PKN2: variants seen among roughly 807,000 people sequenced by gnomAD.
The protein encoded by PKN2 is serine/threonine-protein kinase N2.
PKN2 carries 38 observed loss-of-function variants against 119.1 expected under a neutral mutation model. The ratio of observed to expected loss-of-function variants is 0.32; its 90% CI spans 0.25 to 0.42. PKN2 has a LOEUF of 0.42. Ranked by LOEUF, PKN2 falls within the 10% of genes least tolerant of loss-of-function variation. PKN2 has a pLI of 1.00. For missense variants in PKN2, 850 were observed against 1,165.1 expected (o/e 0.73, Z 3.94); for synonymous variants, 390 against 384.9 (o/e 1.01, Z -0.15).
rs1374406564 is a variant in PKN2, at chr1:88,807,725, T to A, written c.2052T>A (p.Ala684=). ...AEYKNTNEMF[A]IKALKKGDIV... ...ATAAAAACACAAATGAGATGTTTGC[T>A]ATAAAAGCCTTAAAGAAAGGAGATA... Residue 684 remains alanine (A), a synonymous_variant, in exon 15 of 22, where the codon GCT becomes GCA. Coordinates refer to ENST00000370521, the MANE Select transcript of PKN2 (RefSeq NM_006256.4). The A allele has an allele frequency of 6.2e-7, 1 of 1,603,498 alleles. No individual in the cohort carries two copies. The highest frequency in any genetic ancestry group is 8.5e-7 in the Non-Finnish European group (1 of 1,174,108).
rs1669387286 is a variant in PKN2, at chr1:88,760,222, A to G, written c.350A>G (p.Asp117Gly). 6 of 1,504,654 alleles carry G rather than the reference A, an allele frequency of 4.0e-6. No individual in the cohort carries two copies. Among genetic ancestry groups the G allele is most frequent in the Non-Finnish European group, 5.5e-6 (6 of 1,098,260 alleles). 93.2% of individuals were successfully genotyped at this position (1,504,654 alleles called of 1,614,324 possible). ...IVVSDPEDIT[D>G]CPRTPDTPNN... is the part of the protein sequence containing the mutation. ...AATTTTAACAATATTTTATTTACAG[A>G]TTGCCCAAGGACTCCAGATACTCCA... is the stretch of plus-strand genomic sequence containing the variant. The change falls in exon 3 of 22, where the codon GAT becomes GGT. Residue 117 changes from aspartate to glycine, a missense_variant and splice_region_variant. Physicochemically the swap from Asp to Gly is moderately conservative, Grantham distance 94. This residue lies in a region of PKN2 where 350 missense variants were observed against 511.1 expected (regional missense o/e 0.68). Coordinates refer to ENST00000370521, the MANE Select transcript of PKN2 (RefSeq NM_006256.4).
At chr1:88,786,920 C>G (rs1376873339) in intron 8 of PKN2, among the ~76,000 whole-genome samples, 1 of 143,208 alleles carries the variant, frequency 7.0e-6, no homozygotes, top group African/African-American at 2.6e-5. Context: ...TTGGTGATTA[C>G]TGTTCTAAGC....
At chr1:88,813,809 A>G in intron 16 of PKN2, 76 bp downstream of exon 16, 3 of 1,249,856 alleles carry the variant, frequency 2.4e-6, no homozygotes, top group Non-Finnish European at 3.3e-6. Flanking sequence ...GATTCTTTGA[A>G]TTTTAGATTT....
At chr1:88,686,538 A>G (rs529600940) in intron 1 of PKN2, among the ~76,000 whole-genome samples, 1 of 152,246 alleles carries the variant, frequency 6.6e-6, no homozygotes, top group African/African-American at 2.4e-5. Flanking sequence ...ACTGAAATAT[A>G]ACCCCTTCCA....
At chr1:88,746,561 C>A (rs1304526564) in intron 2 of PKN2, among the ~76,000 whole-genome samples, 4 of 151,956 alleles carry the variant, frequency 2.6e-5, no homozygotes, top group African/African-American at 9.7e-5. Flanking sequence ...CGATGAGATA[C>A]CACCTCATGT....
At position 88,826,669 on chromosome 1, in the gene PKN2, A is replaced by G. The variant is rs1672511882; in HGVS notation, c.2420-1812A>G. 3.3e-5 allele frequency among the ~76,000 whole-genome samples: 5 copies of G among 152,226 alleles called. No individual in the cohort carries two copies. The South Asian group carries it at 1.0e-3, about 32-fold the overall frequency. On this transcript the variant is annotated intron_variant, in intron 18 of 21. Transcript: ENST00000370521. ...TTAACTCTCATATACAGATGAAGAAACCTAGAATTTGATGTTAGACAACTT... is the reference window on the plus strand; with the variant it reads ...TTAACTCTCATATACAGATGAAGAAGCCTAGAATTTGATGTTAGACAACTT...
chr1:88,771,580 A>G lies in PKN2; in HGVS notation c.768+14A>G. The G allele has an allele frequency of 6.4e-7, 1 of 1,564,982 alleles. No individual in the cohort carries two copies. Among genetic ancestry groups the G allele is most frequent in the Non-Finnish European group, 8.6e-7 (1 of 1,158,302 alleles). ...GCACTTTCAGAAGTAATTTTAAATA[A>G]AAATTTTTATTTGGTTTAATAAATA... is the stretch of plus-strand genomic sequence containing the variant. On this transcript the variant is annotated intron_variant, in intron 5 of 21. Transcript: ENST00000370521.
intron 15 of PKN2, among the ~76,000 whole-genome samples, chr1:88,808,107 TTC>T (rs1338903416): frequency 1.3e-5 from 2 of 152,162 alleles, no homozygotes; most frequent in Non-Finnish European, 2.9e-5. Flanking sequence ...CTATATTTCA[TTC>T]TGTCTTAATG....
chr1:88,797,687 G>T (rs1557618789), intron 8 of PKN2, among the ~76,000 whole-genome samples: 1 of 151,070 alleles, frequency 6.6e-6, no homozygotes, highest in Non-Finnish European at 1.5e-5. Flanking sequence ...CTCTCATCTC[G>T]CTCCACACAA....
At chr1:88,714,135 G>T (rs1047712913) in intron 1 of PKN2, among the ~76,000 whole-genome samples, 4 of 152,062 alleles carry the variant, frequency 2.6e-5, no homozygotes, top group African/African-American at 7.2e-5. Context: ...TGTTCCATTT[G>T]TCTATATCTC....
At chr1:88,695,000 G>A (rs1235235692) in intron 1 of PKN2, among the ~76,000 whole-genome samples, 1 of 152,038 alleles carries the variant, frequency 6.6e-6, no homozygotes, top group Admixed American at 6.5e-5. Context: ...GGTGGCGGGC[G>A]CCTGTAGTCC....
At chr1:88,824,955 T>G (rs924829066) in intron 18 of PKN2, among the ~76,000 whole-genome samples, 1 of 152,250 alleles carries the variant, frequency 6.6e-6, no homozygotes, top group Non-Finnish European at 1.5e-5. Flanking sequence ...TTTTAACCTC[T>G]TTGAGTCTTA....
In PKN2 at chr1:88,684,515, C is replaced by G. The variant is rs1570468427; in HGVS notation, c.-66C>G. ...CCCTCTCCTCACCCCCACCCCGAGC[C>G]CCGTCCCGCCTTCTCCCTTCGCCAG... On this transcript the variant is annotated 5_prime_UTR_variant, in exon 1 of 22. Coordinates refer to ENST00000370521, the MANE Select transcript of PKN2 (RefSeq NM_006256.4). 1.4e-6 allele frequency: 2 copies of G among 1,438,586 alleles called. No individual in the cohort carries two copies. Among genetic ancestry groups the G allele is most frequent in the East Asian group, 2.7e-5 (1 of 37,566 alleles). The allele number at this position is 1,438,586 out of a possible 1,614,324, so 89.1% of individuals were successfully genotyped here. A position where few individuals can be genotyped will look rare whatever the true frequency, so the allele number is the denominator to read the frequency against.
intron 1 of PKN2, among the ~76,000 whole-genome samples, chr1:88,739,945 G>A (rs1027162689): frequency 1.3e-5 from 2 of 151,984 alleles, no homozygotes; most frequent in African/African-American, 2.4e-5. Flanking sequence ...TATACAGTTG[G>A]CCATTCATAT....
intron 2 of PKN2, among the ~76,000 whole-genome samples, chr1:88,758,932 T>G (rs1669330627): frequency 6.6e-6 from 1 of 152,212 alleles, no homozygotes; most frequent in South Asian, 2.1e-4. Context: ...CGAACGGTAT[T>G]TCTGTCTTTT....
At chr1:88,805,815 T>G (rs1303046115) in intron 11 of PKN2, 76 bp from the exon 12 acceptor site, 1 of 1,608,018 alleles carries the variant, frequency 6.2e-7, no homozygotes, top group Non-Finnish European at 8.5e-7. Flanking sequence ...AAGTAAATTG[T>G]TTGCTTTAAT....
At chr1:88,685,462 G>A (rs1256786606) in intron 1 of PKN2, among the ~76,000 whole-genome samples, 1 of 152,112 alleles carries the variant, frequency 6.6e-6, no homozygotes, top group East Asian at 1.9e-4. Flanking sequence ...AAAGATGAGA[G>A]CAAAGTAGAT....
chr1:88,816,188 TGTTTTGCCACAA>T (rs1407896331), intron 16 of PKN2, among the ~76,000 whole-genome samples: 2 of 152,102 alleles, frequency 1.3e-5, no homozygotes, highest in Non-Finnish European at 2.9e-5. Context: ...GTTACAGTAT[TGTTTTGCCACAA>T]AAATAAGTTT....
In PKN2 at chr1:88,807,750, A is replaced by G. The variant is rs757217967; in HGVS notation, c.2077A>G (p.Ile693Val). The change falls in exon 15 of 22, where the codon ATT becomes GTT. Residue 693 changes from isoleucine (I) to valine (V), a missense_variant. Coordinates refer to ENST00000370521, the MANE Select transcript of PKN2 (RefSeq NM_006256.4). ...TATAAAAGCCTTAAAGAAAGGAGAT[A>G]TTGTGGCTCGAGATGAAGTAGACAG... ...FAIKALKKGD[I>V]VARDEVDSLM... 2.5e-6 allele frequency: 4 copies of G among 1,598,518 alleles called. No homozygotes were observed. The highest frequency in any genetic ancestry group is 2.2e-5 in the East Asian group (1 of 44,604).
Sources: gnomAD v4.1 joint callset for allele counts (sites outside exome capture counted in the v4.1 genomes callset) on GRCh38, gnomAD v4.1.1 for gene constraint, gnomAD v4.1.1 regional missense constraint, MANE v1.5 for transcripts, NCBI Gene and HGNC (gene_info 2026-07-23, HGNC 2026-07-21) for gene names.